The following ZNF516 variants were observed in gnomAD, a reference collection of about 807,000 sequenced individuals.
The protein encoded by ZNF516 is zinc finger protein 516.
In ZNF516, 19 loss-of-function variants were observed where a neutral mutation model predicts 79.7. The ratio of observed to expected loss-of-function variants is 0.24; its 90% CI spans 0.17 to 0.35. ZNF516 has a LOEUF of 0.35. Among genes scored for constraint, ZNF516 ranks in the 10% least tolerant of loss-of-function variants. The pLI is 1.00. For missense variants in ZNF516, 1,678 were observed against 1,679.5 expected, an observed-to-expected ratio of 1.00 and a Z score of 0.02; for synonymous variants, 877 against 739.5, an observed-to-expected ratio of 1.19 and a Z score of -3.02.
At chr18:76,449,378 C>T (rs1912259238) in intron 2 of ZNF516, among the ~76,000 whole-genome samples, 1 of 152,236 alleles carries the variant, frequency 6.6e-6, no homozygotes. Flanking sequence ...CGTCCCTGCC[C>T]CACCTGTCAT....
intron 2 of ZNF516, among the ~76,000 whole-genome samples, chr18:76,456,668 A>C (rs1490471725): frequency 7.4e-6 from 1 of 136,004 alleles, no homozygotes; most frequent in Non-Finnish European, 1.5e-5. Context: ...ATGAAGGCGC[A>C]GGTCGAGACT....
At chr18:76,494,563 A>T (rs1182460491) in intron 1 of ZNF516, among the ~76,000 whole-genome samples, 1 of 150,478 alleles carries the variant, frequency 6.6e-6, no homozygotes, top group Admixed American at 6.6e-5. Flanking sequence ...GGGGGCCGTA[A>T]AAAACAAGGC....
chr18:76,450,485 T>C (rs17059380), intron 2 of ZNF516, among the ~76,000 whole-genome samples: 2,437 of 152,212 alleles, frequency 0.016, 74 homozygotes, highest in African/African-American at 0.056. Flanking sequence ...CCTGGTTCAA[T>C]TGAAAAGCAG....
At position 76,358,059 on chromosome 18, in the gene ZNF516, T is replaced by G. The variant is rs2074481158; in HGVS notation, c.*4439A>C. ...ACGATCTTGTGAATTACCCTAAAAC[T>G]CTTCCATAAATAAAGAGCATTAACA... On this transcript the variant is annotated 3_prime_UTR_variant, in exon 7 of 7. Coordinates refer to ENST00000443185, the MANE Select transcript of ZNF516 (RefSeq NM_014643.4). 6.6e-6 allele frequency: 1 copy of G among 152,176 alleles called. No individual in the cohort carries two copies. The highest frequency in any genetic ancestry group is 2.4e-5 in the African/African-American group (1 of 41,430). The allele number at this position is 152,176 out of a possible 1,614,324, so 9.4% of individuals were successfully genotyped here.
upstream of ZNF516, chr18:76,495,523 C>T: frequency 4.9e-6 from 1 of 204,704 alleles, no homozygotes; most frequent in South Asian, 4.4e-5. Context: ...AGTTCTGCCA[C>T]ACTGAGGGGA....
chr18:76,482,403 C>G (rs1364862322), intron 1 of ZNF516, among the ~76,000 whole-genome samples: 1 of 152,226 alleles, frequency 6.6e-6, no homozygotes, highest in African/African-American at 2.4e-5. Flanking sequence ...GGTGAGGAAG[C>G]CACAGGCAGT....
At chr18:76,431,457 G>A (rs1375356788) in intron 3 of ZNF516, among the ~76,000 whole-genome samples, 2 of 152,194 alleles carry the variant, frequency 1.3e-5, no homozygotes, top group Non-Finnish European at 2.9e-5. Context: ...TGAAAGCAGC[G>A]AGAGAGGGGC....
At chr18:76,385,114 C>T (rs144720830) in intron 3 of ZNF516, among the ~76,000 whole-genome samples, 59 of 152,372 alleles carry the variant, frequency 3.9e-4, no homozygotes, top group African/African-American at 1.2e-3. Flanking sequence ...CCCAACCCCA[C>T]GAGTGTGCAC....
At chr18:76,484,502 C>G (rs1456115136) in intron 1 of ZNF516, among the ~76,000 whole-genome samples, 2 of 152,202 alleles carry the variant, frequency 1.3e-5, no homozygotes, top group Non-Finnish European at 2.9e-5. Context: ...GCCGCCCTAA[C>G]CCCGCTCGGG....
intron 3 of ZNF516, among the ~76,000 whole-genome samples, chr18:76,405,618 C>A (rs896974940): frequency 6.6e-6 from 1 of 151,906 alleles, no homozygotes; most frequent in Non-Finnish European, 1.5e-5. Context: ...GTTCTCATTG[C>A]GGTTCTGCTT....
intron 3 of ZNF516, among the ~76,000 whole-genome samples, chr18:76,430,442 A>C (rs2075647756): frequency 6.6e-6 from 1 of 152,214 alleles, no homozygotes; most frequent in Non-Finnish European, 1.5e-5. Context: ...TCAATATCAA[A>C]AATGTTCTCT....
At chr18:76,444,684 G>T (rs776971803) in intron 2 of ZNF516, among the ~76,000 whole-genome samples, 10 of 152,178 alleles carry the variant, frequency 6.6e-5, no homozygotes, top group Non-Finnish European at 1.3e-4. Flanking sequence ...TAGACCTGAG[G>T]GGGTGAAGGG....
intron 3 of ZNF516, among the ~76,000 whole-genome samples, chr18:76,402,230 T>C (rs1464840916): frequency 2.0e-5 from 3 of 151,980 alleles, no homozygotes; most frequent in African/African-American, 7.3e-5. Context: ...TCTTGCTGAG[T>C]TCAGCAGTGA....
intron 3 of ZNF516, among the ~76,000 whole-genome samples, chr18:76,428,886 C>CT (rs2075628079): frequency 6.6e-6 from 1 of 152,240 alleles, no homozygotes; most frequent in African/African-American, 2.4e-5. Context: ...GAGCAGAACT[C>CT]TAAAACCAGG....
chr18:76,482,817 G>A (rs777948899), intron 1 of ZNF516, among the ~76,000 whole-genome samples: 9 of 152,030 alleles, frequency 5.9e-5, no homozygotes, highest in Non-Finnish European at 8.8e-5. Context: ...ATACTCAAAC[G>A]AGCCTGCAAA....
intron 6 of ZNF516, among the ~76,000 whole-genome samples, 198 bp downstream of exon 6, chr18:76,370,330 C>T (rs1599133791): frequency 6.6e-6 from 1 of 152,344 alleles, no homozygotes; most frequent in Non-Finnish European, 1.5e-5. Context: ...CCTGCACCAC[C>T]CGGCTGGGAG....
At chr18:76,450,192 G>GGC (rs1555714197) in intron 2 of ZNF516, among the ~76,000 whole-genome samples, 1 of 137,784 alleles carries the variant, frequency 7.3e-6, no homozygotes, top group African/African-American at 2.7e-5. Context: ...AAAGGGGGGG[G>GGC]GGTGTTTATT....
chr18:76,476,933 G>C (rs1568324673), intron 1 of ZNF516, among the ~76,000 whole-genome samples: 1 of 152,160 alleles, frequency 6.6e-6, no homozygotes, highest in Non-Finnish European at 1.5e-5. Flanking sequence ...AATTGCACTT[G>C]TGGAGACTCA....
rs2074890318 is a variant in ZNF516, at chr18:76,381,386, C to T, written c.1811-1083G>A. Among the ~76,000 whole-genome samples the T allele has an allele frequency of 2.0e-5, 3 of 152,276 alleles. No individual in the cohort carries two copies. In the South Asian group the frequency reaches 6.2e-4, roughly 32 times the overall value. Reference sequence around the variant, plus strand: ...AACTATAAAACACAGGATTCTTCACCACCCAGCCGCCATCTGCAGTCCCTT... The same window carrying T: ...AACTATAAAACACAGGATTCTTCACTACCCAGCCGCCATCTGCAGTCCCTT... On this transcript the variant is annotated intron_variant, in intron 3 of 6. Transcript: ENST00000443185.
Sources: gnomAD v4.1 joint callset for allele counts (sites outside exome capture counted in the v4.1 genomes callset) on GRCh38, gnomAD v4.1.1 for gene constraint, MANE v1.5 for transcripts, NCBI Gene and HGNC (gene_info 2026-07-23, HGNC 2026-07-21) for gene names.